The following PRKG1 variants were observed in gnomAD, a reference collection of about 807,000 sequenced individuals.
PRKG1 encodes the protein cGMP-dependent protein kinase 1.
PRKG1 carries 35 observed loss-of-function variants against 88.1 expected under a neutral mutation model. The observed-to-expected ratio is 0.40, with a 90% CI of 0.30 to 0.53. The LOEUF (loss-of-function observed/expected upper bound fraction) is 0.53. Among genes scored for constraint, PRKG1 ranks in the 20% least tolerant of loss-of-function variants. PRKG1 has a pLI of 0.59. For missense variants in PRKG1, 540 were observed against 839.8 expected (o/e 0.64, Z 4.41); for synonymous variants, 303 against 292.5 (o/e 1.04, Z -0.37).
chr10:51,962,021 T>C (rs1843459627), intron 5 of PRKG1, among the ~76,000 whole-genome samples: 1 of 152,176 alleles, frequency 6.6e-6, no homozygotes, highest in African/African-American at 2.4e-5. Context: ...TAAAAGCAAG[T>C]TGTATTTAGA....
chr10:52,173,007 T>C (rs545091176), intron 9 of PRKG1, among the ~76,000 whole-genome samples: 1 of 152,358 alleles, frequency 6.6e-6, no homozygotes, highest in Admixed American at 6.5e-5. Flanking sequence ...ATGTGCACAT[T>C]AACAAGGCAT....
intron 1 of PRKG1, among the ~76,000 whole-genome samples, chr10:51,134,536 C>A (rs577353357): frequency 1.7e-3 from 252 of 152,182 alleles, no homozygotes; most frequent in African/African-American, 5.7e-3. Flanking sequence ...GTAAACTGCA[C>A]CATGAATGTG....
chr10:51,915,591 T>C (rs960350709), intron 5 of PRKG1, among the ~76,000 whole-genome samples: 21 of 151,776 alleles, frequency 1.4e-4, no homozygotes, highest in Non-Finnish European at 2.1e-4. Flanking sequence ...ATGGGGAGGA[T>C]AAAAAGAGAA....
intron 2 of PRKG1, among the ~76,000 whole-genome samples, chr10:51,166,002 T>C (rs1268824319): frequency 2.0e-5 from 3 of 152,166 alleles, no homozygotes; most frequent in Non-Finnish European, 4.4e-5. Flanking sequence ...TTTTCATTTT[T>C]ATGGCTGGAA....
At chr10:52,069,038 C>G (rs1274863649) in intron 7 of PRKG1, among the ~76,000 whole-genome samples, 1 of 138,120 alleles carries the variant, frequency 7.2e-6, no homozygotes, top group Non-Finnish European at 1.7e-5. Context: ...TTCTGAGTAC[C>G]TGTGCCACAT....
intron 9 of PRKG1, among the ~76,000 whole-genome samples, chr10:52,170,994 G>C (rs1838655296): frequency 6.6e-6 from 1 of 152,154 alleles, no homozygotes. Flanking sequence ...GCATTGTTTA[G>C]TAACATCTTC....
At chr10:52,029,889 T>C (rs1394985330) in intron 5 of PRKG1, among the ~76,000 whole-genome samples, 7 of 152,078 alleles carry the variant, frequency 4.6e-5, no homozygotes, top group African/African-American at 1.7e-4. Context: ...GCAAAAAAAG[T>C]ATGCCAGCTT....
rs117618298 is a variant in PRKG1 at position 52,014,655 on chromosome 10, T to C, written c.763-39829T>C. Among the ~76,000 whole-genome samples, 1,223 of 152,324 alleles carry C rather than the reference T, an allele frequency of 8.0e-3. 5 individuals carry two copies. Among genetic ancestry groups the C allele is most frequent in the Non-Finnish European group, 0.013 (872 of 68,030 alleles). ...TCAAATGTCCAAGTTTGAAGTATCA[T>C]CTGAGATAAGGCAAGTCCCTTCTAA... is the stretch of plus-strand genomic sequence containing the variant. On this transcript the variant is annotated intron_variant, in intron 5 of 17. Transcript: ENST00000373980.
intron 3 of PRKG1, among the ~76,000 whole-genome samples, chr10:51,795,253 G>A (rs1455199031): frequency 6.6e-6 from 1 of 151,944 alleles, no homozygotes; most frequent in Non-Finnish European, 1.5e-5. Flanking sequence ...ATTAATTACA[G>A]GGCAGCCCAC....
upstream of PRKG1, among the ~76,000 whole-genome samples, chr10:51,071,236 A>C (rs1405832474): frequency 6.6e-6 from 1 of 152,236 alleles, no homozygotes; most frequent in Non-Finnish European, 1.5e-5. Flanking sequence ...TATTGGAAAC[A>C]CTCAAAAGGT....
intron 3 of PRKG1, among the ~76,000 whole-genome samples, chr10:51,687,906 T>A (rs772694702): frequency 5.3e-5 from 8 of 152,232 alleles, no homozygotes; most frequent in Admixed American, 1.3e-4. Flanking sequence ...GTAGATCCAA[T>A]GTTCACTCAA....
intron 1 of PRKG1, among the ~76,000 whole-genome samples, chr10:50,999,347 T>C (rs1042488503): frequency 6.6e-6 from 1 of 152,212 alleles, no homozygotes; most frequent in African/African-American, 2.4e-5. Flanking sequence ...TGAGTGTTTA[T>C]TTATTAAGGC....
chr10:52,273,664 G>T (rs1841792074), intron 12 of PRKG1, among the ~76,000 whole-genome samples: 1 of 151,762 alleles, frequency 6.6e-6, no homozygotes, highest in Non-Finnish European at 1.5e-5. Context: ...GTATCCTATT[G>T]CATCGGTATT....
intron 3 of PRKG1, among the ~76,000 whole-genome samples, chr10:51,738,341 G>A (rs1837344500): frequency 6.6e-6 from 1 of 152,100 alleles, no homozygotes; most frequent in Non-Finnish European, 1.5e-5. Flanking sequence ...GAGAACAGAA[G>A]GAAAGATTGG....
At chr10:51,213,331 G>C (rs1589249593) in intron 2 of PRKG1, among the ~76,000 whole-genome samples, 1 of 152,166 alleles carries the variant, frequency 6.6e-6, no homozygotes, top group Non-Finnish European at 1.5e-5. Context: ...TTGGGGGAGG[G>C]GGGAGGTATA....
At chr10:51,110,026 T>C (rs550405170) in intron 1 of PRKG1, among the ~76,000 whole-genome samples, 3 of 152,066 alleles carry the variant, frequency 2.0e-5, no homozygotes, top group Non-Finnish European at 4.4e-5. Flanking sequence ...ATGTGAATCA[T>C]TAGAATGATT....
At chr10:51,590,050 T>G (rs1838271076) in intron 3 of PRKG1, among the ~76,000 whole-genome samples, 1 of 152,176 alleles carries the variant, frequency 6.6e-6, no homozygotes, top group Non-Finnish European at 1.5e-5. Flanking sequence ...CACAAGGTCA[T>G]TAAGAGCTTG....
At chr10:51,317,526 C>A (rs1213216258) in intron 2 of PRKG1, among the ~76,000 whole-genome samples, 1 of 152,112 alleles carries the variant, frequency 6.6e-6, no homozygotes, top group East Asian at 1.9e-4. Context: ...ATAATGAATC[C>A]TAAACAGAAT....
chr10:51,461,983 C>A (rs893960218), intron 2 of PRKG1, among the ~76,000 whole-genome samples: 5 of 152,188 alleles, frequency 3.3e-5, no homozygotes, highest in Admixed American at 6.5e-5. Flanking sequence ...CACAGATGAA[C>A]CCCATCTCCC....
Sources: gnomAD v4.1 joint callset for allele counts (sites outside exome capture counted in the v4.1 genomes callset) on GRCh38, gnomAD v4.1.1 for gene constraint, MANE v1.5 for transcripts, NCBI Gene and HGNC (gene_info 2026-07-23, HGNC 2026-07-21) for gene names.